Variants in EPHA6 observed in about 807,000 individuals in gnomAD.
The protein encoded by EPHA6 is ephrin type-A receptor 6.
Under a neutral mutation model 112.0 loss-of-function variants are expected in EPHA6, and 50 were observed. That is an observed-to-expected ratio of 0.45 (90% CI 0.36 to 0.56). The LOEUF is 0.56. Among genes scored for constraint, EPHA6 ranks in the 20% least tolerant of loss-of-function variants. EPHA6 has a pLI of 0.00. For missense variants in EPHA6, 1,280 were observed against 1,417.4 expected (o/e 0.90, Z 1.56); for synonymous variants, 529 against 490.7 (o/e 1.08, Z -1.03).
chr3:97,739,721 C>G (rs1472976950), intron 16 of EPHA6, among the ~76,000 whole-genome samples: 2 of 152,066 alleles, frequency 1.3e-5, no homozygotes, highest in Non-Finnish European at 2.9e-5. Flanking sequence ...TTCTCTCCTA[C>G]TCAAGAAAGT....
At chr3:97,138,944 A>T (rs2075828255) in intron 3 of EPHA6, among the ~76,000 whole-genome samples, 1 of 152,196 alleles carries the variant, frequency 6.6e-6, no homozygotes, top group Non-Finnish European at 1.5e-5. Flanking sequence ...GGTGTGTCCC[A>T]GTGCCACCTG....
intron 1 of EPHA6, among the ~76,000 whole-genome samples, chr3:96,841,264 G>A (rs555734677): frequency 1.1e-4 from 16 of 152,192 alleles, no homozygotes; most frequent in African/African-American, 2.9e-4. Context: ...TCCAAATGAG[G>A]CAATCAGATA....
At chr3:97,516,286 C>T (rs368655373) in intron 10 of EPHA6, among the ~76,000 whole-genome samples, 5 of 152,068 alleles carry the variant, frequency 3.3e-5, no homozygotes, top group East Asian at 2.0e-4. Context: ...CTTCTAAGAT[C>T]GTGTCCTGAC....
intron 3 of EPHA6, among the ~76,000 whole-genome samples, chr3:97,123,484 T>C (rs987843387): frequency 6.6e-6 from 1 of 152,052 alleles, no homozygotes; most frequent in African/African-American, 2.4e-5. Context: ...GCTACTCCCG[T>C]AGAAATTTGA....
chr3:97,430,808 G>A (rs963073465), intron 6 of EPHA6, among the ~76,000 whole-genome samples: 1 of 152,024 alleles, frequency 6.6e-6, no homozygotes, highest in Admixed American at 6.6e-5. Flanking sequence ...TTGTAAGGGA[G>A]GCTGAGTTAA....
intron 11 of EPHA6, among the ~76,000 whole-genome samples, chr3:97,555,893 T>C (rs1258487797): frequency 1.3e-5 from 2 of 152,124 alleles, no homozygotes; most frequent in Non-Finnish European, 2.9e-5. Flanking sequence ...TTCACTCTGA[T>C]GGTAGTTTCT....
chr3:97,139,647 C>T (rs1019571619), intron 3 of EPHA6, among the ~76,000 whole-genome samples: 2 of 152,144 alleles, frequency 1.3e-5, no homozygotes, highest in African/African-American at 4.8e-5. Context: ...GGACCCTACC[C>T]AACATGTGCA....
In EPHA6 at chr3:97,638,637, G is replaced by A. The variant is rs73849813; in HGVS notation, c.2784+555G>A. Reference sequence around the variant, plus strand: ...AAATTTAAAACTTTAGAACCAAACCGTCATCCACAAATTATATCAGTTCAA... The same window carrying A: ...AAATTTAAAACTTTAGAACCAAACCATCATCCACAAATTATATCAGTTCAA... On this transcript the variant is annotated intron_variant, in intron 14 of 17. Transcript: ENST00000389672. Among the ~76,000 whole-genome samples, 1,341 of 152,142 alleles carry A rather than the reference G, an allele frequency of 8.8e-3. 16 individuals carry two copies. The highest frequency in any genetic ancestry group is 0.03 in the African/African-American group (1,253 of 41,494).
intron 3 of EPHA6, among the ~76,000 whole-genome samples, chr3:97,162,777 G>T (rs2076445975): frequency 6.6e-6 from 1 of 152,136 alleles, no homozygotes. Flanking sequence ...TTGATTGAGA[G>T]AGCATGACTC....
At chr3:96,939,509 G>T (rs1367215576) in intron 2 of EPHA6, among the ~76,000 whole-genome samples, 2 of 151,730 alleles carry the variant, frequency 1.3e-5, no homozygotes, top group African/African-American at 4.8e-5. Flanking sequence ...TTCTTTATTA[G>T]TCTTGCTAGC....
At chr3:97,245,806 C>A (rs1559824611) in intron 5 of EPHA6, among the ~76,000 whole-genome samples, 1 of 151,870 alleles carries the variant, frequency 6.6e-6, no homozygotes, top group East Asian at 1.9e-4. Context: ...TTACCTGACA[C>A]TACATACGTG....
intron 2 of EPHA6, among the ~76,000 whole-genome samples, chr3:96,954,134 A>T (rs2041664220): frequency 6.6e-6 from 1 of 152,026 alleles, no homozygotes; most frequent in Non-Finnish European, 1.5e-5. Flanking sequence ...TCTACGTCCC[A>T]AAGTGCTGGG....
intron 14 of EPHA6, among the ~76,000 whole-genome samples, chr3:97,683,403 G>T (rs1216240802): frequency 6.6e-6 from 1 of 151,978 alleles, no homozygotes; most frequent in Non-Finnish European, 1.5e-5. Flanking sequence ...AAAAATTACA[G>T]AAAATAAACA....
intron 3 of EPHA6, among the ~76,000 whole-genome samples, chr3:97,119,972 C>T (rs2047997214): frequency 1.3e-5 from 2 of 151,846 alleles, no homozygotes. Context: ...GGAGTTGCAG[C>T]CTTGTCTCAT....
intron 4 of EPHA6, among the ~76,000 whole-genome samples, chr3:97,234,202 T>C (rs2078615276): frequency 6.6e-6 from 1 of 152,134 alleles, no homozygotes; most frequent in African/African-American, 2.4e-5. Flanking sequence ...GGGGATGATC[T>C]GATCTTTCAA....
intron 1 of EPHA6, among the ~76,000 whole-genome samples, chr3:96,827,682 C>A (rs1040059885): frequency 1.3e-5 from 2 of 152,096 alleles, no homozygotes; most frequent in Non-Finnish European, 2.9e-5. Context: ...CAAGGATTTT[C>A]ATCTCAGCCT....
rs1401084447 is a variant in EPHA6 at position 97,711,974 on chromosome 3, A to G, written c.2785-8287A>G. Among the ~76,000 whole-genome samples the G allele has an allele frequency of 2.6e-5, 4 of 152,192 alleles. No individual in the cohort carries two copies. The East Asian group carries it at 7.7e-4, about 29-fold the overall frequency. ...ACCCACTCTTTAATGTTACACATCA[A>G]ATTGATACCACTGATATAAAAATGC... On this transcript the variant is annotated intron_variant, in intron 14 of 17. Coordinates refer to ENST00000389672, the MANE Select transcript of EPHA6 (RefSeq NM_001080448.3).
intron 13 of EPHA6, among the ~76,000 whole-genome samples, chr3:97,612,657 T>G (rs1201395662): frequency 6.6e-6 from 1 of 152,116 alleles, no homozygotes; most frequent in Non-Finnish European, 1.5e-5. Flanking sequence ...ATTTTTCAGC[T>G]CTTATTATGT....
At chr3:96,954,825 C>T (rs553486507) in intron 2 of EPHA6, among the ~76,000 whole-genome samples, 1,951 of 113,944 alleles carry the variant, frequency 0.017, 20 homozygotes, top group Non-Finnish European at 0.025. Context: ...CTCGCTCTGT[C>T]GCCCAGGCCG....
Sources: allele counts gnomAD v4.1 joint callset (sites outside exome capture counted in the v4.1 genomes callset), GRCh38; gene constraint gnomAD v4.1.1; transcripts MANE v1.5; gene names NCBI Gene and HGNC (gene_info 2026-07-23, HGNC 2026-07-21).